PLCZ1: variants seen among roughly 807,000 people sequenced by gnomAD.
PLCZ1 encodes the protein phospholipase C zeta 1.
PLCZ1 carries 64 observed loss-of-function variants against 76.8 expected under a neutral mutation model. That is an observed-to-expected ratio of 0.83 (90% CI 0.68 to 1.03). The LOEUF is 1.03. Among genes scored for constraint, PLCZ1 ranks in the 50% least tolerant of loss-of-function variants. The probability of loss-of-function intolerance (pLI) is 0.00; values close to 1 mark genes in which losing one functional copy is unlikely to be tolerated. For synonymous variants in PLCZ1, 248 were observed against 230.8 expected (o/e 1.07, Z -0.68); for missense variants, 751 against 713.7 (o/e 1.05, Z -0.60).
chr12:18,693,916 G>C (rs1592050414), intron 12 of PLCZ1: 1 of 1,527,314 alleles, frequency 6.5e-7, no homozygotes, highest in Non-Finnish European at 9.1e-7. Flanking sequence ...ATGTAACCCT[G>C]CACGACTTGA....
chr12:18,647,898 A>G, the PLCZ1 span: 1 of 1,568,198 alleles, frequency 6.4e-7, no homozygotes, highest in East Asian at 2.3e-5. Context: ...GAAGTCACAG[A>G]GCTCCAAGGA....
intron 10 of PLCZ1, among the ~76,000 whole-genome samples, chr12:18,697,094 T>G (rs1433413448): frequency 6.6e-6 from 1 of 152,134 alleles, no homozygotes; most frequent in Non-Finnish European, 1.5e-5. Flanking sequence ...AATTTCATGC[T>G]TCTCCAAGGA....
At chr12:18,685,951 T>C (rs1953084312) in intron 13 of PLCZ1, among the ~76,000 whole-genome samples, 3 of 151,838 alleles carry the variant, frequency 2.0e-5, no homozygotes, top group African/African-American at 7.3e-5. Context: ...GGATACCAAA[T>C]TTGATAGTGA....
intron 7 of PLCZ1, among the ~76,000 whole-genome samples, chr12:18,702,992 G>A (rs1956144145): frequency 6.6e-6 from 1 of 151,714 alleles, no homozygotes; most frequent in Non-Finnish European, 1.5e-5. Flanking sequence ...TTTACTCATT[G>A]AAAAGCACCT....
chr12:18,696,851 C>T (rs1348025186), intron 10 of PLCZ1, among the ~76,000 whole-genome samples: 1 of 152,078 alleles, frequency 6.6e-6, no homozygotes, highest in Non-Finnish European at 1.5e-5. Flanking sequence ...TTACATGTCT[C>T]CATTGAAAAA....
chr12:18,666,811 C>T, the PLCZ1 span, among the ~76,000 whole-genome samples: 1 of 152,182 alleles, frequency 6.6e-6, no homozygotes, highest in Non-Finnish European at 1.5e-5. Flanking sequence ...TATTAGGTTA[C>T]AGATGATAGT....
intron 7 of PLCZ1, 139 bp downstream of exon 7, chr12:18,705,027 A>T: frequency 1.0e-6 from 1 of 992,720 alleles, no homozygotes; most frequent in Non-Finnish European, 1.6e-6. Context: ...CCTAGGCAAC[A>T]TTGCAAAAAT....
At chr12:18,652,404 C>G in the PLCZ1 span, among the ~76,000 whole-genome samples, 4 of 152,028 alleles carry the variant, frequency 2.6e-5, no homozygotes, top group Admixed American at 2.0e-4. Flanking sequence ...GCCAGAAAAC[C>G]ACTGCGAACT....
chr12:18,656,703 C>G, the PLCZ1 span, among the ~76,000 whole-genome samples: 1 of 152,130 alleles, frequency 6.6e-6, no homozygotes, highest in African/African-American at 2.4e-5. Context: ...CCACTGCACT[C>G]CAGCCTGGGT....
intron 14 of PLCZ1, among the ~76,000 whole-genome samples, chr12:18,683,881 C>T (rs1952696430): frequency 6.6e-6 from 1 of 151,882 alleles, no homozygotes. Context: ...AACTAGGATG[C>T]ATGTAAAGAA....
At chr12:18,711,770 T>G (rs1957375806) in intron 6 of PLCZ1, among the ~76,000 whole-genome samples, 1 of 151,820 alleles carries the variant, frequency 6.6e-6, no homozygotes, top group Admixed American at 6.6e-5. Context: ...CATATCCAAG[T>G]GGTAATGTCA....
rs1957522255 is a variant in PLCZ1, at chr12:18,712,991, C to A, written c.570-5G>T. ...CGGCATCCTTTCACAAGGGCACTAG[C>A]AAAATTTCAGCAAAATAAAATGTTA... On this transcript the variant is annotated splice_polypyrimidine_tract_variant and splice_region_variant and intron_variant, in intron 5 of 14. Coordinates refer to ENST00000266505, the MANE Select transcript of PLCZ1 (RefSeq NM_033123.4). The A allele has an allele frequency of 1.9e-6, 3 of 1,613,558 alleles. No homozygotes were observed. The highest frequency in any genetic ancestry group is 2.2e-5 in the East Asian group (1 of 44,856).
At position 18,723,522 on chromosome 12, in the gene PLCZ1, T is replaced by A. The variant is rs1426133467; in HGVS notation, c.156A>T (p.Gln52His). 6.2e-7 allele frequency: 1 copy of A among 1,612,372 alleles called. No individual in the cohort carries two copies. The highest frequency in any genetic ancestry group is 1.1e-5 in the South Asian group (1 of 91,052). The change falls in exon 4 of 15, where the codon CAA becomes CAT. Residue 52 changes from glutamine to histidine, a missense_variant. By Grantham distance (24) the Gln-to-His change is conservative. Coordinates refer to ENST00000266505, the MANE Select transcript of PLCZ1 (RefSeq NM_033123.4). ...QIFKDNDRLKQGRITIEEFRA... is the reference protein window; with the variant it reads ...QIFKDNDRLKHGRITIEEFRA... ...TAAATTCTTCTATGGTGATTCTTCC[T>A]TGTTTCAGCCTGTCATTGTCCTACT...
intron 2 of PLCZ1, 101 bp downstream of exon 2, chr12:18,737,260 G>A (rs1959455207): frequency 2.4e-6 from 3 of 1,268,374 alleles, no homozygotes; most frequent in Non-Finnish European, 3.5e-6. Flanking sequence ...TAAATGAAGA[G>A]GACTTAAATT....
chr12:18,664,721 G>A, the PLCZ1 span, among the ~76,000 whole-genome samples: 81 of 151,344 alleles, frequency 5.4e-4, no homozygotes, highest in African/African-American at 1.8e-3. Context: ...TGTTTATTGC[G>A]GCACTATTCA....
Position 18,736,078 on chromosome 12 carries a change from A to G in PLCZ1, c.135+143T>C, listed in dbSNP as rs905177584. The G allele has an allele frequency of 3.3e-6, 3 of 904,826 alleles. No individual in the cohort carries two copies. In the African/African-American group the frequency reaches 5.1e-5, roughly 15 times the overall value. 56.0% of individuals were successfully genotyped at this position (904,826 alleles called of 1,614,324 possible). A position where few individuals can be genotyped will look rare whatever the true frequency, so the allele number is the denominator to read the frequency against. ...CAACAACTAATTTTACCTTCTACTGAAATGCTCTCCATCTTGATTGTAAAT... is the reference window on the plus strand; with the variant it reads ...CAACAACTAATTTTACCTTCTACTGGAATGCTCTCCATCTTGATTGTAAAT... On this transcript the variant is annotated intron_variant, in intron 3 of 14. Transcript: ENST00000266505.
chr12:18,705,494 G>T (rs1337990748), intron 6 of PLCZ1, among the ~76,000 whole-genome samples, 179 bp from the exon 7 acceptor site: 1 of 152,118 alleles, frequency 6.6e-6, no homozygotes, highest in South Asian at 2.1e-4. Flanking sequence ...CATTAAATCT[G>T]CATAAAAAGA....
At chr12:18,662,096 A>G in the PLCZ1 span, among the ~76,000 whole-genome samples, 3 of 152,132 alleles carry the variant, frequency 2.0e-5, no homozygotes, top group Non-Finnish European at 1.5e-5. Flanking sequence ...GGACACAAAA[A>G]TGAGAACAAT....
intron 5 of PLCZ1, chr12:18,714,627 A>G (rs893347651): frequency 2.0e-5 from 3 of 152,184 alleles, no homozygotes; most frequent in South Asian, 4.1e-4. Context: ...ATATTTTTCC[A>G]TAGAAAACCA....
Sources: gnomAD v4.1 joint callset for allele counts (sites outside exome capture counted in the v4.1 genomes callset) on GRCh38, gnomAD v4.1.1 for gene constraint, MANE v1.5 for transcripts, NCBI Gene and HGNC (gene_info 2026-07-23, HGNC 2026-07-21) for gene names.